LRRC43: variants seen among roughly 807,000 people sequenced by gnomAD.
LRRC43 encodes the protein leucine rich repeat containing 43.
LRRC43 carries 62 observed loss-of-function variants against 64.3 expected under a neutral mutation model. The ratio of observed to expected loss-of-function variants is 0.96; its 90% CI spans 0.79 to 1.19. The LOEUF (loss-of-function observed/expected upper bound fraction) is 1.19, where lower values mean the gene tolerates loss of function less well. LRRC43 is among the 50% of genes most tolerant of loss of function. LRRC43 has a pLI of 0.00. For missense variants in LRRC43, 868 were observed against 845.0 expected (o/e 1.03, Z -0.34); for synonymous variants, 422 against 382.3 (o/e 1.10, Z -1.21).
chr12:122,170,305 G>A (rs1422683904), intron 1 of LRRC43, among the ~76,000 whole-genome samples: 2 of 152,112 alleles, frequency 1.3e-5, no homozygotes, highest in African/African-American at 4.8e-5. Context: ...CCAAAACCTT[G>A]TCATTGGAAA....
Position 122,183,138 on chromosome 12 carries a change from C to G in LRRC43, c.-7C>G. ...CCTAGCGGTTGCCGGGCAACGCGGC[C>G]CGGGCCATGGAGGCGTCGTACGAGT... On this transcript the variant is annotated 5_prime_UTR_variant, in exon 1 of 12. Coordinates refer to ENST00000339777, the MANE Select transcript of LRRC43 (RefSeq NM_001098519.2). 2.0e-6 allele frequency: 3 copies of G among 1,537,516 alleles called. No individual in the cohort carries two copies. Among genetic ancestry groups the G allele is most frequent in the Non-Finnish European group, 2.6e-6 (3 of 1,147,920 alleles).
chr12:122,184,635 C>G lies in LRRC43; in HGVS notation c.267C>G (p.Arg89=). The G allele has an allele frequency of 6.2e-7, 1 of 1,613,904 alleles. No homozygotes were observed. The highest frequency in any genetic ancestry group is 8.5e-7 in the Non-Finnish European group (1 of 1,179,870). Residue 89 remains arginine (R), a synonymous_variant, in exon 2 of 12, where the codon CGC becomes CGG. Transcript: ENST00000339777. The surrounding 1 kb of genome is among the most constrained non-coding windows in gnomAD (Gnocchi z 4.0). ...TGGAGGCCCTGCTGGGCCTGGTCCGCAGCCGCCACTCCCCCTGGGCTCTGC... is the reference window on the plus strand; with the variant it reads ...TGGAGGCCCTGCTGGGCCTGGTCCGGAGCCGCCACTCCCCCTGGGCTCTGC... The part of the protein sequence containing the change: ...ETVEALLGLV[R]SRHSPWALLN...
intron 1 of LRRC43, among the ~76,000 whole-genome samples, chr12:122,170,061 C>G (rs1048455529): frequency 6.6e-6 from 1 of 152,156 alleles, no homozygotes; most frequent in Admixed American, 6.5e-5. Flanking sequence ...CCTGCCTCAG[C>G]CTCCCAAAGT....
intron 1 of LRRC43, among the ~76,000 whole-genome samples, chr12:122,176,658 AT>A (rs369675090): frequency 0.013 from 1,830 of 144,662 alleles, 29 homozygotes; most frequent in African/African-American, 0.043. Context: ...TAGTAGTAGC[AT>A]TTTTTTTTTT....
intron 1 of LRRC43, among the ~76,000 whole-genome samples, chr12:122,171,858 A>C (rs978681116): frequency 3.9e-5 from 6 of 152,080 alleles, no homozygotes; most frequent in African/African-American, 1.4e-4. Flanking sequence ...TGTGAGCCAC[A>C]GTGCCTGGCT....
intron 1 of LRRC43, chr12:122,172,503 C>T (rs564145746): frequency 1.6e-5 from 26 of 1,614,068 alleles, no homozygotes; most frequent in East Asian, 8.9e-5. Context: ...CAGGATGAAG[C>T]GTTTACATTC....
In LRRC43 at chr12:122,173,772, G is replaced by T; in HGVS notation, c.-406+5990G>T. 6 of 1,370,918 alleles carry T rather than the reference G, an allele frequency of 4.4e-6. No homozygotes were observed. The South Asian group carries it at 7.6e-5, about 17-fold the overall frequency. The allele number at this position is 1,370,918 out of a possible 1,614,324, so 84.9% of individuals were successfully genotyped here. A position where few individuals can be genotyped will look rare whatever the true frequency, so the allele number is the denominator to read the frequency against. ...AGCCCTGGTTTCAGGTCCGGAGAGA[G>T]GAGCCTCTTTGGAGGGCAATGGAAG... On this transcript the variant is annotated intron_variant, in intron 1 of 5. Transcript: ENST00000537729.
chr12:122,201,528 C>T (rs2136066030), intron 11 of LRRC43, among the ~76,000 whole-genome samples, 199 bp downstream of exon 11: 1 of 152,216 alleles, frequency 6.6e-6, no homozygotes, highest in African/African-American at 2.4e-5. Context: ...GGGTGGTGAC[C>T]AGGGTGGGGA....
chr12:122,201,150 G>C, intron 10 of LRRC43, 146 bp from the exon 11 acceptor site: 1 of 1,022,872 alleles, frequency 9.8e-7, no homozygotes, highest in Non-Finnish European at 1.5e-6. Context: ...TCCCTTTGGG[G>C]ATGGGCTGGG....
chr12:122,170,819 T>C (rs1953478702), intron 1 of LRRC43, among the ~76,000 whole-genome samples: 1 of 151,956 alleles, frequency 6.6e-6, no homozygotes, highest in East Asian at 1.9e-4. Context: ...TAGGTGCTGG[T>C]AGACTCAAGA....
chr12:122,176,043 G>A (rs978560613), intron 1 of LRRC43, among the ~76,000 whole-genome samples: 4 of 152,230 alleles, frequency 2.6e-5, no homozygotes, highest in African/African-American at 7.2e-5. Context: ...AGAAGTTAGA[G>A]TTCCTGCCCT....
At chr12:122,203,282 C>T (rs373252737) in intron 11 of LRRC43, 33 bp from the exon 12 acceptor site, 8 of 1,603,180 alleles carry the variant, frequency 5.0e-6, no homozygotes, top group Non-Finnish European at 5.9e-6. Flanking sequence ...CATCCGTCTC[C>T]CGGGGCTCAT....
chr12:122,177,475 AAGTG>A (rs1953546004), intron 1 of LRRC43, among the ~76,000 whole-genome samples: 1 of 87,510 alleles, frequency 1.1e-5, no homozygotes, highest in East Asian at 3.5e-4. Flanking sequence ...ATGAGAGAGA[AAGTG>A]TGTGTGTGTG....
Position 122,203,470 on chromosome 12 carries a change from C to T in LRRC43, c.*28C>T, listed in dbSNP as rs1425862333. On this transcript the variant is annotated 3_prime_UTR_variant, in exon 12 of 12. Coordinates refer to ENST00000339777, the MANE Select transcript of LRRC43 (RefSeq NM_001098519.2). ...CGTGGGCAGTAAAGGCTGTTCCCAG[C>T]ACTCCCGCCTCCGCTTCTGTCCCGC... is the stretch of plus-strand genomic sequence containing the variant. The T allele has an allele frequency of 6.3e-7, 1 of 1,581,396 alleles. No individual in the cohort carries two copies. The highest frequency in any genetic ancestry group is 8.6e-7 in the Non-Finnish European group (1 of 1,163,736).
intron 1 of LRRC43, among the ~76,000 whole-genome samples, chr12:122,178,063 C>T (rs1039476908): frequency 2.0e-5 from 3 of 151,818 alleles, no homozygotes; most frequent in Admixed American, 6.6e-5. Flanking sequence ...GTCTTGAACT[C>T]CTGACCTCAA....
chr12:122,181,179 C>T (rs2136024540), upstream of LRRC43, among the ~76,000 whole-genome samples: 1 of 151,396 alleles, frequency 6.6e-6, no homozygotes, highest in African/African-American at 2.4e-5. Context: ...GATCACGCTA[C>T]TGCACAGTAG....
In LRRC43 at chr12:122,200,340, C is replaced by G; in HGVS notation, c.1491+10C>G. ...CATCGTGGAGGAGAAGGTGGGCAGG[C>G]GGAGGCAGTGCCCGGCCATCCACAG... On this transcript the variant is annotated intron_variant, in intron 8 of 11. Coordinates refer to ENST00000339777, the MANE Select transcript of LRRC43 (RefSeq NM_001098519.2). The surrounding 1 kb of genome is among the most constrained non-coding windows in gnomAD (Gnocchi z 4.6). The G allele has an allele frequency of 6.2e-7, 1 of 1,609,220 alleles. No individual in the cohort carries two copies. Among genetic ancestry groups the G allele is most frequent in the Non-Finnish European group, 8.5e-7 (1 of 1,179,440 alleles).
chr12:122,182,522 C>CA (rs71082944), upstream of LRRC43, among the ~76,000 whole-genome samples: 21,158 of 28,784 alleles, frequency 0.74, 8,812 homozygotes, highest in East Asian at 0.84. Context: ...AACTCGGTCT[C>CA]AAAAAAAAAA....
intron 2 of LRRC43, among the ~76,000 whole-genome samples, chr12:122,185,757 G>A (rs1323182081): frequency 6.6e-6 from 1 of 152,190 alleles, no homozygotes; most frequent in South Asian, 2.1e-4. Context: ...GCTGGGAAGG[G>A]CCCTGATGTC....
Sources: gnomAD v4.1 joint callset for allele counts (sites outside exome capture counted in the v4.1 genomes callset) on GRCh38, gnomAD v4.1.1 for gene constraint, Gnocchi (gnomAD v3.1) non-coding constraint, MANE v1.5 for transcripts, NCBI Gene and HGNC (gene_info 2026-07-23, HGNC 2026-07-21) for gene names.